Variants in PARP8 observed in about 807,000 individuals in gnomAD.
PARP8 encodes poly(ADP-ribose) polymerase family member 8.
PARP8 carries 51 observed loss-of-function variants against 124.1 expected under a neutral mutation model. The ratio of observed to expected loss-of-function variants is 0.41; its 90% CI spans 0.33 to 0.52. PARP8 has a LOEUF of 0.52. PARP8 is among the 20% of genes least tolerant of loss of function. The pLI, the probability that PARP8 is intolerant of heterozygous loss-of-function variation, is 0.21. For missense variants in PARP8, 860 were observed against 1,018.9 expected (o/e 0.84, Z 2.12); for synonymous variants, 391 against 361.5 (o/e 1.08, Z -0.93).
At chr5:50,714,486 A>G (rs538491599) in intron 2 of PARP8, among the ~76,000 whole-genome samples, 17 of 152,158 alleles carry the variant, frequency 1.1e-4, no homozygotes, top group African/African-American at 3.9e-4. Context: ...TACATGTGCC[A>G]TGGTGGTTTG....
At chr5:50,789,169 T>G (rs1741654952) in intron 10 of PARP8, among the ~76,000 whole-genome samples, 1 of 152,212 alleles carries the variant, frequency 6.6e-6, no homozygotes, top group Non-Finnish European at 1.5e-5. Flanking sequence ...GTTTTTTAAC[T>G]AAACACTTTA....
chr5:50,839,666 T>TTC (rs34544570), intron 25 of PARP8, among the ~76,000 whole-genome samples: 100,111 of 147,304 alleles, frequency 0.68, 33,850 homozygotes, highest in East Asian at 0.77. Context: ...CTCTCTTTCT[T>TTC]TCTCTCTCTC....
intron 9 of PARP8, among the ~76,000 whole-genome samples, chr5:50,783,229 G>A (rs1740872719): frequency 6.6e-6 from 1 of 151,934 alleles, no homozygotes. Context: ...GAAGGGAGGA[G>A]AGAAGAAGGG....
At chr5:50,776,692 A>G (rs1389350281) in intron 7 of PARP8, among the ~76,000 whole-genome samples, 1 of 152,186 alleles carries the variant, frequency 6.6e-6, no homozygotes. Flanking sequence ...GGTCATTTAT[A>G]TTAGAAAGAA....
In PARP8 at chr5:50,727,337, G is replaced by A. The variant is rs12188574; in HGVS notation, c.147-22814G>A. On this transcript the variant is annotated intron_variant, in intron 2 of 25. Transcript: ENST00000281631. ...TGTTGTTGGAGTGTACCCAGTCCCC[G>A]CTCCTGCTCCCACTTCCCACCCGGA... Among the ~76,000 whole-genome samples the A allele has an allele frequency of 5.9e-3, 895 of 152,140 alleles. 5 individuals are homozygous for A. In the Middle Eastern group the frequency reaches 0.068, roughly 12 times the overall value.
At chr5:50,823,384 C>G (rs183571169) in intron 17 of PARP8, among the ~76,000 whole-genome samples, 19 of 152,314 alleles carry the variant, frequency 1.2e-4, no homozygotes, top group African/African-American at 4.3e-4. Flanking sequence ...TTCATTCACT[C>G]AATAAATAGT....
chr5:50,762,445 A>G (rs1168521094), intron 6 of PARP8, among the ~76,000 whole-genome samples: 1 of 152,170 alleles, frequency 6.6e-6, no homozygotes, highest in Non-Finnish European at 1.5e-5. Flanking sequence ...ATTTTTCAGG[A>G]TAATGTTAAA....
intron 7 of PARP8, among the ~76,000 whole-genome samples, chr5:50,765,796 G>A (rs1760998517): frequency 6.6e-6 from 1 of 152,194 alleles, no homozygotes; most frequent in Non-Finnish European, 1.5e-5. Context: ...CTTAGGCTTG[G>A]ATTCAAGGGA....
intron 2 of PARP8, among the ~76,000 whole-genome samples, chr5:50,699,439 C>G (rs1026390447): frequency 5.3e-5 from 8 of 152,190 alleles, no homozygotes; most frequent in Non-Finnish European, 1.2e-4. Flanking sequence ...GTAACACTTT[C>G]ATATGTTTTT....
intron 2 of PARP8, among the ~76,000 whole-genome samples, chr5:50,723,028 T>C (rs1756058075): frequency 6.6e-6 from 1 of 152,134 alleles, no homozygotes; most frequent in Admixed American, 6.6e-5. Context: ...ATGAGAGTTA[T>C]TAAATCTTGC....
intron 2 of PARP8, among the ~76,000 whole-genome samples, chr5:50,744,249 G>A (rs1389361149): frequency 2.6e-5 from 4 of 152,144 alleles, no homozygotes; most frequent in African/African-American, 9.7e-5. Flanking sequence ...CCATGAACTT[G>A]GGAGTTCAGA....
chr5:50,772,319 A>C (rs1384730470), intron 7 of PARP8, among the ~76,000 whole-genome samples: 1 of 152,232 alleles, frequency 6.6e-6, no homozygotes, highest in East Asian at 1.9e-4. Context: ...ACATGGGGGC[A>C]CAGATATCTC....
Position 50,846,366 on chromosome 5 carries a change from A to C in PARP8, c.*4298A>C, listed in dbSNP as rs531005904. The C allele has an allele frequency of 1.3e-5, 2 of 151,908 alleles. No individual in the cohort carries two copies. Among genetic ancestry groups the C allele is most frequent in the South Asian group, 4.1e-4 (2 of 4,826 alleles). 9.4% of individuals were successfully genotyped at this position (151,908 alleles called of 1,614,324 possible). A position where few individuals can be genotyped will look rare whatever the true frequency, so the allele number is the denominator to read the frequency against. On this transcript the variant is annotated 3_prime_UTR_variant, in exon 26 of 26. Transcript: ENST00000281631. ...ATATGTACATAATGTAAATACTGCCAAGAGATCAGTAAGGCCAAATATTTT... is the reference window on the plus strand; with the variant it reads ...ATATGTACATAATGTAAATACTGCCCAGAGATCAGTAAGGCCAAATATTTT...
intron 3 of PARP8, among the ~76,000 whole-genome samples, chr5:50,753,546 C>A (rs1759493521): frequency 6.6e-6 from 1 of 152,004 alleles, no homozygotes; most frequent in African/African-American, 2.4e-5. Flanking sequence ...GGTATAGTGA[C>A]AAATCATTGA....
rs975172077 is a variant in PARP8, at chr5:50,790,763, T to A, written c.737+2174T>A. Among the ~76,000 whole-genome samples the A allele has an allele frequency of 8.9e-4, 136 of 152,286 alleles. 1 individual carries two copies. The highest frequency in any genetic ancestry group is 3.2e-3 in the African/African-American group (131 of 41,578). ...CTGTTTAAGTACCTAGTAACATATA[T>A]AACATATTTAATTAATATCCCTATC... On this transcript the variant is annotated intron_variant, in intron 10 of 25. Transcript: ENST00000281631.
intron 7 of PARP8, among the ~76,000 whole-genome samples, chr5:50,777,301 G>A (rs1409809434): frequency 6.6e-6 from 1 of 152,150 alleles, no homozygotes; most frequent in East Asian, 1.9e-4. Flanking sequence ...AGTAAATATT[G>A]GTCATTAACT....
At position 50,726,256 on chromosome 5, in the gene PARP8, T is replaced by A. The variant is rs796771603; in HGVS notation, c.147-23895T>A. Among the ~76,000 whole-genome samples the A allele has an allele frequency of 1.2e-4, 19 of 152,248 alleles. 1 individual carries two copies. Among genetic ancestry groups the A allele is most frequent in the African/African-American group, 4.6e-4 (19 of 41,556 alleles). ...GGAGTCTGTTTCCTCGACTATACAA[T>A]AACAGTGAATTTATGGTGTTTTATT... On this transcript the variant is annotated intron_variant, in intron 2 of 25. Coordinates refer to ENST00000281631, the MANE Select transcript of PARP8 (RefSeq NM_024615.4).
At chr5:50,710,546 CAG>C (rs768244251) in intron 2 of PARP8, among the ~76,000 whole-genome samples, 1 of 151,926 alleles carries the variant, frequency 6.6e-6, no homozygotes, top group Non-Finnish European at 1.5e-5. Flanking sequence ...TTAGAAGAAT[CAG>C]AGATTAGAAT....
chr5:50,789,567 A>G (rs1741713303), intron 10 of PARP8, among the ~76,000 whole-genome samples: 1 of 152,194 alleles, frequency 6.6e-6, no homozygotes, highest in Non-Finnish European at 1.5e-5. Context: ...AGTCTAGATG[A>G]GCCTTGATTT....
Sources: gnomAD v4.1 joint callset for allele counts (sites outside exome capture counted in the v4.1 genomes callset) on GRCh38, gnomAD v4.1.1 for gene constraint, MANE v1.5 for transcripts, NCBI Gene and HGNC (gene_info 2026-07-23, HGNC 2026-07-21) for gene names.